The following ANK3 variants were observed in gnomAD, a reference collection of about 807,000 sequenced individuals.
The protein encoded by ANK3 is ankyrin-3.
In ANK3, 57 loss-of-function variants were observed where a neutral mutation model predicts 370.9. That is an observed-to-expected ratio of 0.15 (90% CI 0.12 to 0.19). ANK3 has a LOEUF of 0.19. Among genes scored for constraint, ANK3 ranks in the 10% least tolerant of loss-of-function variants. The probability of loss-of-function intolerance (pLI) is 1.00; values close to 1 mark genes in which losing one functional copy is unlikely to be tolerated. For synonymous variants in ANK3, 1,929 were observed against 1,946.3 expected (o/e 0.99, Z 0.23); for missense variants, 4,439 against 5,302.1 (o/e 0.84, Z 5.06).
At chr10:60,266,347 G>A (rs2097879364) in intron 5 of ANK3, among the ~76,000 whole-genome samples, 1 of 152,226 alleles carries the variant, frequency 6.6e-6, no homozygotes, top group South Asian at 2.1e-4. Flanking sequence ...AATTAACAGA[G>A]ATTTCTTGCT....
intron 2 of ANK3, among the ~76,000 whole-genome samples, chr10:60,395,842 C>T (rs1268570054): frequency 1.3e-5 from 2 of 152,006 alleles, no homozygotes; most frequent in Admixed American, 6.6e-5. Flanking sequence ...ACAAGGACAC[C>T]AATAATTAGA....
chr10:60,652,976 A>C (rs757609495), intron 1 of ANK3, among the ~76,000 whole-genome samples: 5 of 152,106 alleles, frequency 3.3e-5, no homozygotes, highest in Non-Finnish European at 7.3e-5. Context: ...TATTTGACCA[A>C]ATATATATTT....
chr10:60,045,904 A>T (rs1269953481), intron 42 of ANK3, among the ~76,000 whole-genome samples: 1 of 131,418 alleles, frequency 7.6e-6, no homozygotes, highest in African/African-American at 2.7e-5. Flanking sequence ...TTGCTAGCAA[A>T]GTTTTGTTCT....
At chr10:60,091,569 A>T (rs1467706151) in intron 28 of ANK3, among the ~76,000 whole-genome samples, 1 of 152,012 alleles carries the variant, frequency 6.6e-6, no homozygotes. Flanking sequence ...GAACAGGATG[A>T]TTTGAGATGT....
intron 8 of ANK3, 78 bp from the exon 9 acceptor site, chr10:60,213,588 C>A: frequency 1.2e-6 from 1 of 844,540 alleles, no homozygotes; most frequent in Non-Finnish European, 1.8e-6. Flanking sequence ...CAAGATCCAG[C>A]ATGGCACCCA....
chr10:60,030,071 T>C (rs2073053386), intron 43 of ANK3, among the ~76,000 whole-genome samples: 1 of 151,866 alleles, frequency 6.6e-6, no homozygotes, highest in Non-Finnish European at 1.5e-5. Context: ...CAGTGAGCTT[T>C]TCTAGGTGAC....
chr10:60,628,507 TTCTGTGCTTAGCC>T (rs1258178804), intron 1 of ANK3, among the ~76,000 whole-genome samples: 1 of 152,212 alleles, frequency 6.6e-6, no homozygotes, highest in African/African-American at 2.4e-5. Context: ...GACCCTATGA[TTCTGTGCTTAGCC>T]TCTGCTGCAG....
chr10:60,173,068 CAAA>C lies in ANK3; in HGVS notation c.2283+17_2283+19del. 6.2e-7 allele frequency: 1 copy of C among 1,606,354 alleles called. No homozygotes were observed. The highest frequency in any genetic ancestry group is 8.5e-7 in the Non-Finnish European group (1 of 1,177,272). ...CAAAAATAAATGATTCTGGCAGAAA[CAAA>C]AAAGGAAGGAGCTTACCTTTGTTTT... On this transcript the variant is annotated intron_variant, in intron 19 of 43. Coordinates refer to ENST00000280772, the MANE Select transcript of ANK3 (RefSeq NM_020987.5).
rs78838553 is a variant in ANK3, at chr10:60,043,807, T to A, written c.13066-1048A>T. ...GGTGAATGGTGAAGGTTTTATCTTC[T>A]TTCTCCCTCAAACTGGCACATTCTG... On this transcript the variant is annotated intron_variant, in intron 42 of 43. Coordinates refer to ENST00000280772, the MANE Select transcript of ANK3 (RefSeq NM_020987.5). 7.0e-3 allele frequency: 6,899 copies of A among 985,334 alleles called. 92 individuals are homozygous for A. Among genetic ancestry groups the A allele is most frequent in the African/African-American group, 0.036 (2,038 of 57,312 alleles). The allele number at this position is 985,334 out of a possible 1,614,324, so 61.0% of individuals were successfully genotyped here. A position where few individuals can be genotyped will look rare whatever the true frequency, so the allele number is the denominator to read the frequency against.
At chr10:60,147,639 T>C (rs2094896223) in intron 23 of ANK3, among the ~76,000 whole-genome samples, 1 of 152,174 alleles carries the variant, frequency 6.6e-6, no homozygotes, top group African/African-American at 2.4e-5. Flanking sequence ...GGTGCTGTTC[T>C]CGTGATAGTG....
At chr10:60,115,866 T>C (rs1219111155) in intron 25 of ANK3, among the ~76,000 whole-genome samples, 2 of 152,184 alleles carry the variant, frequency 1.3e-5, no homozygotes, top group Non-Finnish European at 2.9e-5. Flanking sequence ...GTAGAAGCTG[T>C]ATTTGAAAAG....
intron 25 of ANK3, among the ~76,000 whole-genome samples, chr10:60,133,692 A>T (rs558107133): frequency 1.2e-4 from 18 of 152,276 alleles, no homozygotes; most frequent in African/African-American, 4.3e-4. Context: ...AGGCCGAGGC[A>T]GGTGTATCAC....
At chr10:60,300,643 A>C (rs577700816) in intron 1 of ANK3, 11 of 759,422 alleles carry the variant, frequency 1.4e-5, no homozygotes, top group Non-Finnish European at 1.8e-5. Context: ...TGGAATACCG[A>C]GAATAGCAGG....
chr10:60,684,464 T>C (rs1004897869), intron 1 of ANK3: 33 of 1,182,584 alleles, frequency 2.8e-5, no homozygotes, highest in Admixed American at 1.2e-4. Context: ...AGGCAAGAAG[T>C]AGAAAGCGTT....
chr10:60,722,503 A>G (rs546085145), intron 1 of ANK3, among the ~76,000 whole-genome samples: 84 of 152,314 alleles, frequency 5.5e-4, no homozygotes, highest in African/African-American at 1.9e-3. Flanking sequence ...AAGACAGGCT[A>G]AAAATCCCAA....
At chr10:60,473,548 A>C (rs186472975) in intron 2 of ANK3, among the ~76,000 whole-genome samples, 24 of 152,320 alleles carry the variant, frequency 1.6e-4, no homozygotes, top group African/African-American at 5.8e-4. Flanking sequence ...CATGAAGATA[A>C]TAAGAAGATG....
intron 40 of ANK3, 178 bp from the exon 41 acceptor site, chr10:60,059,608 GCT>G (rs2079933167): frequency 7.0e-7 from 1 of 1,422,402 alleles, no homozygotes; most frequent in South Asian, 1.3e-5. Flanking sequence ...TTCTCCTGCT[GCT>G]CAGAGCTTAC....
At position 60,229,556 on chromosome 10, in the gene ANK3, C is replaced by T. The variant is rs532172973; in HGVS notation, c.897+5132G>A. 2.3e-4 allele frequency among the ~76,000 whole-genome samples: 35 copies of T among 152,240 alleles called. No individual in the cohort carries two copies. In the South Asian group the frequency reaches 5.0e-3, roughly 22 times the overall value. Reference sequence around the variant, plus strand: ...GAAAGCATGGGCTGAAATTATAGTACATCCAAATGTCCCCTGACACCTTCC... The same window carrying T: ...GAAAGCATGGGCTGAAATTATAGTATATCCAAATGTCCCCTGACACCTTCC... On this transcript the variant is annotated intron_variant, in intron 8 of 43. Coordinates refer to ENST00000280772, the MANE Select transcript of ANK3 (RefSeq NM_020987.5).
intron 2 of ANK3, among the ~76,000 whole-genome samples, chr10:60,559,114 C>T (rs1448711955): frequency 1.3e-5 from 2 of 152,048 alleles, no homozygotes; most frequent in African/African-American, 4.8e-5. Context: ...ATGCTCCATG[C>T]CTTCTTTTTA....
Sources: allele counts gnomAD v4.1 joint callset (sites outside exome capture counted in the v4.1 genomes callset), GRCh38; gene constraint gnomAD v4.1.1; transcripts MANE v1.5; gene names NCBI Gene and HGNC (gene_info 2026-07-23, HGNC 2026-07-21).